SON: variants seen among roughly 807,000 people sequenced by gnomAD.
The protein encoded by SON is SON DNA and RNA binding protein.
A neutral mutation model predicts 173.3 loss-of-function variants in SON; 4 were observed. That is an observed-to-expected ratio of 0.02 (90% CI 0.01 to 0.05). The LOEUF (loss-of-function observed/expected upper bound fraction) is 0.05, where lower values mean the gene tolerates loss of function less well. Among genes scored for constraint, SON ranks in the 10% least tolerant of loss-of-function variants. SON has a pLI of 1.00. For missense variants in SON, 2,626 were observed against 3,055.3 expected (o/e 0.86, Z 3.31); for synonymous variants, 1,190 against 1,105.9 (o/e 1.08, Z -1.51).
Position 33,553,520 on chromosome 21 carries a change from C to T in SON, c.4289C>T (p.Ser1430Phe), listed in dbSNP as rs937478937. 1.2e-6 allele frequency: 2 copies of T among 1,614,086 alleles called. No homozygotes were observed. Among genetic ancestry groups the T allele is most frequent in the African/African-American group, 1.3e-5 (1 of 74,928 alleles). ...CCAGCGGTGTCAGTCCTTCAACCTTCTATGATTGTTTCAGAACCATCTGTT... is the reference window on the plus strand; with the variant it reads ...CCAGCGGTGTCAGTCCTTCAACCTTTTATGATTGTTTCAGAACCATCTGTT... The part of the protein sequence containing the change: ...LEPAVSVLQP[S>F]MIVSEPSVSV... Residue 1430 changes from serine (S) to phenylalanine (F), a missense_variant, in exon 3 of 12, where the codon TCT becomes TTT. By Grantham distance (155) the Ser-to-Phe change is radical. Coordinates refer to ENST00000356577, the MANE Select transcript of SON (RefSeq NM_138927.4).
Position 33,549,687 on chromosome 21 carries a change from T to C in SON, c.456T>C (p.Ser152=), listed in dbSNP as rs777990053. ...SHDDGNIDLE[S]DSFLKFDSEP... is the part of the protein sequence containing the mutation. The stretch of plus-strand genomic sequence containing the variant: ...ATGATGGGAACATAGATTTAGAATC[T>C]GATTCCTTTTTAAAGTTTGATTCTG... Residue 152 remains serine, a synonymous_variant, in exon 3 of 12, where the codon TCT becomes TCC. Transcript: ENST00000356577. 1 of 1,612,582 alleles carries C rather than the reference T, an allele frequency of 6.2e-7. No individual in the cohort carries two copies. The highest frequency in any genetic ancestry group is 1.1e-5 in the South Asian group (1 of 90,430).
intron 2 of SON, among the ~76,000 whole-genome samples, chr21:33,547,890 ATT>A (rs55756921): frequency 0.48 from 69,979 of 147,144 alleles, 17,751 homozygotes; most frequent in African/African-American, 0.66. Context: ...AATTTTTTGT[ATT>A]TTTTTTTTTT....
At chr21:33,565,313 T>C (rs1411645118) in intron 6 of SON, among the ~76,000 whole-genome samples, 2 of 152,320 alleles carry the variant, frequency 1.3e-5, no homozygotes, top group Non-Finnish European at 2.9e-5. Context: ...TATCCTCAGA[T>C]TTTAGCCTTG....
chr21:33,543,321 C>A lies in SON; in HGVS notation c.77+152C>A. 5 of 668,128 alleles carry A rather than the reference C, an allele frequency of 7.5e-6. No individual in the cohort carries two copies. In the South Asian group the frequency reaches 8.6e-5, roughly 12 times the overall value. 41.4% of individuals were successfully genotyped at this position (668,128 alleles called of 1,614,324 possible). On this transcript the variant is annotated intron_variant, in intron 1 of 11. Coordinates refer to ENST00000356577, the MANE Select transcript of SON (RefSeq NM_138927.4). Reference sequence around the variant, plus strand: ...TGGGATCCATTTTCCGGGCCCCCCCCAACCGCCCCCCCAGCCGCTCCCTTC... The same window carrying A: ...TGGGATCCATTTTCCGGGCCCCCCCAAACCGCCCCCCCAGCCGCTCCCTTC...
At chr21:33,562,040 G>A (rs1241495368) in intron 6 of SON, among the ~76,000 whole-genome samples, 1 of 151,952 alleles carries the variant, frequency 6.6e-6, no homozygotes, top group Admixed American at 6.6e-5. Flanking sequence ...AAAATACAAG[G>A]GCAAAGAGGC....
At chr21:33,567,365 ATGG>A (rs1401751091) in intron 7 of SON, 98 bp downstream of exon 7, 3 of 719,968 alleles carry the variant, frequency 4.2e-6, no homozygotes, top group African/African-American at 3.5e-5. Flanking sequence ...TGCTAACTAG[ATGG>A]TTGAGTTGTA....
At chr21:33,566,844 A>T (rs1431513151) in intron 6 of SON, among the ~76,000 whole-genome samples, 3 of 152,198 alleles carry the variant, frequency 2.0e-5, no homozygotes, top group Non-Finnish European at 4.4e-5. Flanking sequence ...CATGAAGAGT[A>T]GCGAGTTTTA....
chr21:33,551,472 A>T lies in SON; in HGVS notation c.2241A>T (p.Ala747=), dbSNP rs189178754. Residue 747 remains alanine (A), a synonymous_variant, in exon 3 of 12, where the codon GCA becomes GCT. Coordinates refer to ENST00000356577, the MANE Select transcript of SON (RefSeq NM_138927.4). ...ASNTMDSQML[A]SNTMDSQMLA... ...ACACCATGGACTCCCAGATGCTAGC[A>T]TCCAACACCATGGACTCCCAGATGT... 464 of 1,613,840 alleles carry T rather than the reference A, an allele frequency of 2.9e-4. No individual in the cohort carries two copies. Among genetic ancestry groups the T allele is most frequent in the Non-Finnish European group, 3.6e-4 (421 of 1,179,896 alleles).
intron 1 of SON, among the ~76,000 whole-genome samples, chr21:33,544,255 ATG>A (rs1190439487): frequency 6.6e-6 from 1 of 152,208 alleles, no homozygotes; most frequent in African/African-American, 2.4e-5. Context: ...CTTTTGCAGA[ATG>A]TGTTGTTTTT....
At chr21:33,560,423 T>G in intron 6 of SON, 1 of 1,099,224 alleles carries the variant, frequency 9.1e-7, no homozygotes, top group Non-Finnish European at 1.1e-6. Flanking sequence ...CTATTAAAAG[T>G]CGGAGAAGTG....
Position 33,547,889 on chromosome 21 carries a change from TA to T in SON, c.244+1511del, listed in dbSNP as rs774595074. Among the ~76,000 whole-genome samples the T allele has an allele frequency of 8.4e-5, 3 of 35,918 alleles. No individual in the cohort carries two copies. The East Asian group carries it at 0.014, about 169-fold the overall frequency. The allele number at this position is 35,918 out of a possible 152,430, so 23.6% of individuals were successfully genotyped here. A position where few individuals can be genotyped will look rare whatever the true frequency, so the allele number is the denominator to read the frequency against. On this transcript the variant is annotated intron_variant, in intron 2 of 11. Transcript: ENST00000356577. ...ACCACCACGCCCGGCTAATTTTTTG[TA>T]TTTTTTTTTTTTTTAGTAGAGACGG...
In SON at chr21:33,552,141, CAGGATAGCACCCAGGTCCTAT is replaced by C; in HGVS notation, c.2913_2933del (p.Ser976_Arg982del). ...CCTATAGGATGTCACCTAGACCCTA[CAGGATAGCACCCAGGTCCTAT>C]AGAATAGCACCCAGGCCATATAGGT... On this transcript the variant is annotated inframe_deletion, in exon 3 of 12. Coordinates refer to ENST00000356577, the MANE Select transcript of SON (RefSeq NM_138927.4). The surrounding 1 kb of genome is among the most constrained non-coding windows in gnomAD (Gnocchi z 5.6). 6.2e-7 allele frequency: 1 copy of C among 1,614,092 alleles called. No homozygotes were observed. The highest frequency in any genetic ancestry group is 1.1e-5 in the South Asian group (1 of 91,084).
At chr21:33,568,505 AT>A (rs1028224058) in intron 7 of SON, among the ~76,000 whole-genome samples, 1 of 152,260 alleles carries the variant, frequency 6.6e-6, no homozygotes, top group Non-Finnish European at 1.5e-5. Context: ...TCAAAAAAAA[AT>A]AGTCGTTTAT....
intron 2 of SON, among the ~76,000 whole-genome samples, chr21:33,547,705 CTTTTTTTTTTTTTTT>C (rs928851742): frequency 2.8e-5 from 2 of 71,026 alleles, no homozygotes; most frequent in African/African-American, 1.1e-4. Flanking sequence ...CTTCTGTAGT[CTTTTTTTTTTTTTTT>C]TTTTTTTTTT....
rs1453675420 is a variant in SON at position 33,575,514 on chromosome 21, T to C, written c.7034-82T>C. ...CTGATTTTATTTGAAGGCATACATTTTGAGGTTCAGACTCCTACAGAGGGA... is the reference window on the plus strand; with the variant it reads ...CTGATTTTATTTGAAGGCATACATTCTGAGGTTCAGACTCCTACAGAGGGA... On this transcript the variant is annotated intron_variant, in intron 9 of 11. Coordinates refer to ENST00000356577, the MANE Select transcript of SON (RefSeq NM_138927.4). 2.3e-6 allele frequency: 2 copies of C among 852,978 alleles called. 1 individual carries two copies. The highest frequency in any genetic ancestry group is 3.5e-5 in the South Asian group (2 of 57,476). The allele number at this position is 852,978 out of a possible 1,614,324, so 52.8% of individuals were successfully genotyped here.
chr21:33,575,430 A>T, intron 9 of SON, 166 bp from the exon 10 acceptor site: 2 of 492,342 alleles, frequency 4.1e-6, no homozygotes, highest in Non-Finnish European at 7.2e-6. Context: ...ATATGCTGAA[A>T]AACAGTAAAA....
At position 33,555,160 on chromosome 21, in the gene SON, C is replaced by T. The variant is rs1250702016; in HGVS notation, c.5929C>T (p.Arg1977Cys). The part of the protein sequence containing the change: ...PSRRSRTPSR[R>C]SRTPSRRSRT... ...CCGCCGCAGCCGCACCCCCAGCCGC[C>T]GCAGCCGCACCCCCAGCCGCCGGAG... is the stretch of plus-strand genomic sequence containing the variant. The change falls in exon 3 of 12, where the codon CGC (arginine) becomes TGC (cysteine). Residue 1977 changes from arginine to cysteine, a missense_variant. Transcript: ENST00000356577. The T allele has an allele frequency of 1.1e-5, 16 of 1,521,274 alleles. No homozygotes were observed. Among genetic ancestry groups the T allele is most frequent in the Middle Eastern group, 4.5e-4 (2 of 4,490 alleles). 94.2% of individuals were successfully genotyped at this position (1,521,274 alleles called of 1,614,324 possible). A position where few individuals can be genotyped will look rare whatever the true frequency, so the allele number is the denominator to read the frequency against.
intron 8 of SON, chr21:33,569,537 C>T: frequency 2.5e-6 from 1 of 398,860 alleles, no homozygotes; most frequent in Non-Finnish European, 5.1e-6. Context: ...TTTTCCATTC[C>T]TCTATTCCTT....
chr21:33,561,621 TGA>T (rs967125426), intron 6 of SON, among the ~76,000 whole-genome samples: 9 of 151,942 alleles, frequency 5.9e-5, no homozygotes, highest in East Asian at 3.8e-4. Context: ...TACACTTTTT[TGA>T]GAGAGAGAGA....
Sources: gnomAD v4.1 joint callset for allele counts (sites outside exome capture counted in the v4.1 genomes callset) on GRCh38, gnomAD v4.1.1 for gene constraint, Gnocchi (gnomAD v3.1) non-coding constraint, MANE v1.5 for transcripts, NCBI Gene and HGNC (gene_info 2026-07-23, HGNC 2026-07-21) for gene names.